Variants in UNC13B observed in about 807,000 individuals in gnomAD.
UNC13B encodes the protein protein unc-13 homolog B.
Under a neutral mutation model 211.0 loss-of-function variants are expected in UNC13B, and 144 were observed. That is an observed-to-expected ratio of 0.68 (90% CI 0.60 to 0.78). The LOEUF (loss-of-function observed/expected upper bound fraction) is 0.78. Among genes scored for constraint, UNC13B ranks in the 30% least tolerant of loss-of-function variants. UNC13B has a pLI of 0.00. For synonymous variants in UNC13B, 709 were observed against 725.8 expected (o/e 0.98, Z 0.37); for missense variants, 1,777 against 2,002.0 (o/e 0.89, Z 2.14).
chr9:35,286,331 C>T (rs1238037184), intron 7 of UNC13B, among the ~76,000 whole-genome samples: 1 of 148,966 alleles, frequency 6.7e-6, no homozygotes, highest in Non-Finnish European at 1.5e-5. Flanking sequence ...CTCCCAAGTT[C>T]AAGTGATTCT....
At chr9:35,375,254 T>A in intron 14 of UNC13B, 53 bp downstream of exon 14, 2 of 1,563,698 alleles carry the variant, frequency 1.3e-6, no homozygotes, top group African/African-American at 1.4e-5. Context: ...CTGGTGATCA[T>A]CTCTGTAGCC....
chr9:35,287,036 G>C (rs544760432), intron 7 of UNC13B, among the ~76,000 whole-genome samples: 14 of 151,848 alleles, frequency 9.2e-5, no homozygotes, highest in Middle Eastern at 3.4e-3. Flanking sequence ...ACCATGCCCA[G>C]CTAACTTTTT....
chr9:35,233,674 T>C (rs1194098712), intron 3 of UNC13B, among the ~76,000 whole-genome samples: 3 of 152,200 alleles, frequency 2.0e-5, no homozygotes, highest in Non-Finnish European at 2.9e-5. Context: ...TTGGTATTTC[T>C]TATATTATTT....
intron 5 of UNC13B, among the ~76,000 whole-genome samples, chr9:35,242,427 C>G (rs1462625446): frequency 1.3e-5 from 2 of 152,142 alleles, no homozygotes; most frequent in African/African-American, 4.8e-5. Context: ...AACTCTGTCT[C>G]CATCAAACAA....
rs190029906 is a variant in UNC13B at position 35,374,935 on chromosome 9, C to G, written c.9541-192C>G. Among the ~76,000 whole-genome samples, 393 of 152,324 alleles carry G rather than the reference C, an allele frequency of 2.6e-3. 6 individuals are homozygous for G. Among genetic ancestry groups the G allele is most frequent in the Non-Finnish European group, 5.9e-4 (40 of 68,032 alleles). ...GTTCTAACATAGTTAGAGCAGCCCC[C>G]TGAGGGCCTTGGGTTTTGCATCTTA... On this transcript the variant is annotated intron_variant, in intron 13 of 39. Coordinates refer to ENST00000635942, the MANE Select transcript of UNC13B (RefSeq NM_001371189.2).
chr9:35,304,314 C>A lies in UNC13B; in HGVS notation c.4910C>A (p.Ser1637Ter). Residue 1637 changes from serine to a stop codon, truncating the protein, a stop_gained, in exon 9 of 40, where the codon TCA becomes TAA. Transcript: ENST00000635942. LOFTEE classifies it high-confidence loss of function. ...LETFSQVLKE[S>*]SCDQSDQPLD... The stretch of plus-strand genomic sequence containing the variant: ...ACCTTTTCACAAGTACTTAAAGAGT[C>A]AAGTTGTGACCAAAGCGATCAGCCA... 2.5e-6 allele frequency: 1 copy of A among 398,618 alleles called. No individual in the cohort carries two copies. The highest frequency in any genetic ancestry group is 1.3e-4 in the South Asian group (1 of 7,814). 24.7% of individuals were successfully genotyped at this position (398,618 alleles called of 1,614,324 possible).
chr9:35,245,710 A>G (rs1826055820), intron 6 of UNC13B, among the ~76,000 whole-genome samples: 3 of 151,984 alleles, frequency 2.0e-5, no homozygotes, highest in Admixed American at 6.6e-5. Context: ...ATAGTATTCC[A>G]TGGTGTATAT....
intron 3 of UNC13B, among the ~76,000 whole-genome samples, chr9:35,232,008 G>A (rs1825228111): frequency 6.6e-6 from 1 of 151,628 alleles, no homozygotes; most frequent in African/African-American, 2.4e-5. Context: ...GGAGTTGGAG[G>A]TGGGCATGAA....
intron 11 of UNC13B, chr9:35,353,543 G>C (rs1216733152): frequency 8.1e-7 from 1 of 1,232,000 alleles, no homozygotes. Flanking sequence ...AACCCCTCAG[G>C]ATCCAAGCAC....
intron 11 of UNC13B, among the ~76,000 whole-genome samples, chr9:35,314,791 C>G (rs1395583704): frequency 7.5e-6 from 1 of 134,058 alleles, no homozygotes; most frequent in African/African-American, 3.0e-5. Flanking sequence ...CATGCAGTAT[C>G]CCATGGTGTG....
intron 22 of UNC13B, 167 bp from the exon 23 acceptor site, chr9:35,385,557 A>G (rs1369033977): frequency 1.1e-5 from 11 of 985,418 alleles, no homozygotes; most frequent in Non-Finnish European, 1.3e-5. Flanking sequence ...GTTTGCATCA[A>G]TAGAAAAAAG....
intron 22 of UNC13B, 174 bp downstream of exon 22, chr9:35,384,488 A>C: frequency 1.0e-6 from 1 of 985,460 alleles, no homozygotes; most frequent in Non-Finnish European, 1.2e-6. Flanking sequence ...TCCAGGGACC[A>C]TGTGGTGTAT....
At chr9:35,296,064 T>C in intron 8 of UNC13B, 134 bp downstream of exon 8, 1 of 755,482 alleles carries the variant, frequency 1.3e-6, no homozygotes, top group East Asian at 2.7e-5. Context: ...ACTACAGTCA[T>C]TTTGTGTAGA....
chr9:35,391,409 A>T (rs528172820), intron 26 of UNC13B, among the ~76,000 whole-genome samples: 1 of 152,284 alleles, frequency 6.6e-6, no homozygotes, highest in East Asian at 1.9e-4. Context: ...TAGGAGGAGG[A>T]GGAGCCATCT....
At position 35,399,293 on chromosome 9, in the gene UNC13B, A is replaced by G; in HGVS notation, c.12198+9A>G. ...CACTCACTGACCAGACGGTAAGGAC[A>G]CCTCCTTCCACTTCCTCCTGCTGTC... is the stretch of plus-strand genomic sequence containing the variant. On this transcript the variant is annotated intron_variant, in intron 34 of 39. Coordinates refer to ENST00000635942, the MANE Select transcript of UNC13B (RefSeq NM_001371189.2). 1 of 1,613,614 alleles carries G rather than the reference A, an allele frequency of 6.2e-7. No homozygotes were observed. Among genetic ancestry groups the G allele is most frequent in the Non-Finnish European group, 8.5e-7 (1 of 1,179,896 alleles).
rs772051551 is a variant in UNC13B, at chr9:35,400,369, G to A, written c.12410G>A (p.Arg4137His). The change falls in exon 37 of 40, where the codon CGC (arginine) becomes CAC (histidine). Residue 4137 changes from arginine to histidine, a missense_variant. Coordinates refer to ENST00000635942, the MANE Select transcript of UNC13B (RefSeq NM_001371189.2). ...AAGAGCCCAGATCTGCAGTCTCTAC[G>A]CTATGCCCTGTCTCTGTACACACAG... Reference protein sequence around the residue: ...LEKSPDLQSLRYALSLYTQTT... With the variant: ...LEKSPDLQSLHYALSLYTQTT... The A allele has an allele frequency of 8.1e-6, 13 of 1,614,160 alleles. No individual in the cohort carries two copies. The highest frequency in any genetic ancestry group is 3.3e-5 in the South Asian group (3 of 91,084).
chr9:35,174,547 A>C, intron 1 of UNC13B, among the ~76,000 whole-genome samples: 1 of 146,562 alleles, frequency 6.8e-6, no homozygotes. Context: ...GCTAGTCTTG[A>C]ACTCCTTTTT....
chr9:35,268,692 T>A (rs1464642722), intron 7 of UNC13B, among the ~76,000 whole-genome samples: 2 of 152,216 alleles, frequency 1.3e-5, no homozygotes, highest in Non-Finnish European at 2.9e-5. Context: ...GCACAGCTGA[T>A]GTCAATTTGT....
chr9:35,398,261 A>G lies in UNC13B; in HGVS notation c.11805A>G (p.Lys3935=). Residue 3935 remains lysine, a synonymous_variant, in exon 31 of 40, where the codon AAA becomes AAG. Transcript: ENST00000635942. ...NVQQLRVQLE[K]MFEAMGGKEL... ...AGCAACTGAGGGTCCAGCTGGAGAA[A>G]ATGTTTGAGGCCATGGGAGGCAAGG... 1 of 1,613,930 alleles carries G rather than the reference A, an allele frequency of 6.2e-7. No homozygotes were observed. The highest frequency in any genetic ancestry group is 1.3e-5 in the African/African-American group (1 of 75,004).
Sources: gnomAD v4.1 joint callset for allele counts (sites outside exome capture counted in the v4.1 genomes callset) on GRCh38, gnomAD v4.1.1 for gene constraint, MANE v1.5 for transcripts, NCBI Gene and HGNC (gene_info 2026-07-23, HGNC 2026-07-21) for gene names.